The following SMG7 variants were observed in gnomAD, a reference collection of about 807,000 sequenced individuals.
SMG7 encodes the protein SMG7 nonsense mediated mRNA decay factor.
Under a neutral mutation model 148.2 loss-of-function variants are expected in SMG7, and 34 were observed. That is an observed-to-expected ratio of 0.23 (90% CI 0.17 to 0.31). The LOEUF (loss-of-function observed/expected upper bound fraction) is 0.31. Among genes scored for constraint, SMG7 ranks in the 10% least tolerant of loss-of-function variants. SMG7 has a pLI of 1.00. For synonymous variants in SMG7, 492 were observed against 515.1 expected, an observed-to-expected ratio of 0.96 and a Z score of 0.61; for missense variants, 1,114 against 1,408.4, an observed-to-expected ratio of 0.79 and a Z score of 3.35.
chr1:183,520,738 G>A (rs1377271835), intron 4 of SMG7, among the ~76,000 whole-genome samples: 1 of 152,096 alleles, frequency 6.6e-6, no homozygotes, highest in East Asian at 1.9e-4. Context: ...TATTCCCAAG[G>A]GTTTAACTAG....
intron 1 of SMG7, chr1:183,473,888 T>C (rs984830690): frequency 3.0e-6 from 3 of 985,230 alleles, no homozygotes; most frequent in Non-Finnish European, 3.6e-6. Flanking sequence ...CCTATATGTA[T>C]ATTGCAAGAG....
chr1:183,498,759 C>T (rs892387234), intron 1 of SMG7, among the ~76,000 whole-genome samples: 12 of 152,198 alleles, frequency 7.9e-5, no homozygotes, highest in Non-Finnish European at 1.5e-5. Context: ...ATTGACACAT[C>T]ATATTCACCC....
rs76825811 is a variant in SMG7 at position 183,509,951 on chromosome 1, A to T, written c.30-2886A>T. Reference sequence around the variant, plus strand: ...ACCTGACAGCTTATAAGAAAAGCAGATTGTTTGTAAATTACATTACTATTA... The same window carrying T: ...ACCTGACAGCTTATAAGAAAAGCAGTTTGTTTGTAAATTACATTACTATTA... On this transcript the variant is annotated intron_variant, in intron 1 of 22. Coordinates refer to ENST00000688051, the MANE Select transcript of SMG7 (RefSeq NM_001375584.1). Among the ~76,000 whole-genome samples, 718 of 152,284 alleles carry T rather than the reference A, an allele frequency of 4.7e-3. 4 individuals are homozygous for T. Among genetic ancestry groups the T allele is most frequent in the African/African-American group, 0.017 (691 of 41,562 alleles).
chr1:183,520,083 T>C (rs1237973133), intron 4 of SMG7, among the ~76,000 whole-genome samples: 1 of 151,892 alleles, frequency 6.6e-6, no homozygotes, highest in Non-Finnish European at 1.5e-5. Context: ...TATTTAATAA[T>C]GAGGGAAATA....
chr1:183,523,234 G>A (rs570896225), intron 4 of SMG7, among the ~76,000 whole-genome samples: 2 of 152,212 alleles, frequency 1.3e-5, no homozygotes, highest in African/African-American at 4.8e-5. Context: ...TCTTGGCATG[G>A]AATAAAGAGC....
intron 6 of SMG7, 34 bp from the exon 7 acceptor site, chr1:183,528,858 G>A (rs746479961): frequency 3.2e-6 from 5 of 1,575,010 alleles, no homozygotes; most frequent in African/African-American, 1.4e-5. Flanking sequence ...TGTCACTCTT[G>A]GGGTTACTCC....
At chr1:183,496,101 AATC>A (rs1444379319) in intron 1 of SMG7, among the ~76,000 whole-genome samples, 1 of 152,222 alleles carries the variant, frequency 6.6e-6, no homozygotes, top group Non-Finnish European at 1.5e-5. Context: ...GAGTTTCTTT[AATC>A]ATAAAATTGG....
At chr1:183,498,839 A>G (rs1312436832) in intron 1 of SMG7, among the ~76,000 whole-genome samples, 1 of 152,196 alleles carries the variant, frequency 6.6e-6, no homozygotes, top group Non-Finnish European at 1.5e-5. Flanking sequence ...GTGTGTAATG[A>G]CATGTATCCA....
Position 183,550,898 on chromosome 1 carries a change from A to G in SMG7, c.3281A>G (p.Asp1094Gly), listed in dbSNP as rs921509603. 16 of 1,614,136 alleles carry G rather than the reference A, an allele frequency of 9.9e-6. No individual in the cohort carries two copies. Among genetic ancestry groups the G allele is most frequent in the Non-Finnish European group, 1.2e-5 (14 of 1,179,974 alleles). Residue 1094 changes from aspartate to glycine, a missense_variant, in exon 21 of 23, where the codon GAT (aspartate) becomes GGT (glycine). By Grantham distance (94) the Asp-to-Gly change is moderately conservative (BLOSUM62 -1). Coordinates refer to ENST00000688051, the MANE Select transcript of SMG7 (RefSeq NM_001375584.1). ...GATAACAGGGATAGAAGGACTGCAG[A>G]TCGGTGGAAAACTGATAAGCCAGGT... ...TPDNRDRRTA[D>G]RWKTDKPAMG...
At chr1:183,532,466 A>G (rs992222937) in intron 8 of SMG7, among the ~76,000 whole-genome samples, 6 of 152,230 alleles carry the variant, frequency 3.9e-5, no homozygotes, top group Admixed American at 1.3e-4. Context: ...GATTTTTTAT[A>G]GTGCTGGTTA....
At chr1:183,495,044 G>T (rs187283644) in intron 1 of SMG7, among the ~76,000 whole-genome samples, 7 of 152,060 alleles carry the variant, frequency 4.6e-5, no homozygotes, top group Admixed American at 2.0e-4. Flanking sequence ...GGCCAGGCTG[G>T]TCTCCAACTC....
intron 18 of SMG7, 37 bp downstream of exon 18, chr1:183,547,289 C>G (rs1670088908): frequency 6.5e-7 from 1 of 1,531,982 alleles, no homozygotes; most frequent in Non-Finnish European, 8.8e-7. Flanking sequence ...TTGGTCTAAC[C>G]CCCAGCTGCT....
intron 12 of SMG7, 81 bp downstream of exon 12, chr1:183,538,521 G>A (rs1668197913): frequency 1.5e-5 from 14 of 957,766 alleles, no homozygotes; most frequent in Middle Eastern, 2.1e-4. Flanking sequence ...TGGATGTAGA[G>A]GAACCTTTGA....
chr1:183,522,592 A>T (rs143660807), intron 4 of SMG7, among the ~76,000 whole-genome samples: 2 of 152,210 alleles, frequency 1.3e-5, no homozygotes, highest in Non-Finnish European at 2.9e-5. Flanking sequence ...AAGTGACCAT[A>T]TAACTTGTGG....
At chr1:183,517,854 A>C (rs758772471) in intron 4 of SMG7, 34 bp downstream of exon 4, 1 of 1,608,338 alleles carries the variant, frequency 6.2e-7, no homozygotes. Context: ...TTTTCTTACT[A>C]TTAGTGGTAA....
chr1:183,504,935 T>C (rs1660568370), intron 1 of SMG7, among the ~76,000 whole-genome samples: 1 of 152,178 alleles, frequency 6.6e-6, no homozygotes, highest in African/African-American at 2.4e-5. Flanking sequence ...GCCAGTCCTC[T>C]TCCTGTCTTA....
At position 183,545,255 on chromosome 1, in the gene SMG7, T is replaced by C. The variant is rs1669714314; in HGVS notation, c.2313T>C (p.Pro771=). The part of the protein sequence containing the change: ...VQALTQQQQS[P]TKAVPALGKS... Reference sequence around the variant, plus strand: ...CTCTAACTCAGCAACAACAATCCCCTACAAAAGCTGTGCCGGCTTTGGGGA... The same window carrying C: ...CTCTAACTCAGCAACAACAATCCCCCACAAAAGCTGTGCCGGCTTTGGGGA... The change falls in exon 16 of 23, where the codon CCT becomes CCC. Residue 771 remains proline (P), a synonymous_variant. Coordinates refer to ENST00000688051, the MANE Select transcript of SMG7 (RefSeq NM_001375584.1). 1.2e-6 allele frequency: 2 copies of C among 1,613,572 alleles called. No homozygotes were observed. The highest frequency in any genetic ancestry group is 2.7e-5 in the African/African-American group (2 of 74,908).
chr1:183,545,224 T>C lies in SMG7; in HGVS notation c.2282T>C (p.Val761Ala). Reference sequence around the variant, plus strand: ...GCACAGTCTACAAGCCAGCTGCAGGTTCAAGCTCTAACTCAGCAACAACAA... The same window carrying C: ...GCACAGTCTACAAGCCAGCTGCAGGCTCAAGCTCTAACTCAGCAACAACAA... ...PTAQSTSQLQ[V>A]QALTQQQQSP... is the part of the protein sequence containing the mutation. Residue 761 changes from valine to alanine, a missense_variant, in exon 16 of 23, where the codon GTT becomes GCT. Transcript: ENST00000688051. The C allele has an allele frequency of 6.2e-7, 1 of 1,614,076 alleles. No homozygotes were observed. Among genetic ancestry groups the C allele is most frequent in the South Asian group, 1.1e-5 (1 of 91,070 alleles).
chr1:183,517,568 T>C, intron 3 of SMG7, 120 bp from the exon 4 acceptor site: 1 of 929,282 alleles, frequency 1.1e-6, no homozygotes, highest in South Asian at 1.3e-5. Context: ...ATAACTTTAA[T>C]GCAGGTTTAC....
Sources: gnomAD v4.1 joint callset for allele counts (sites outside exome capture counted in the v4.1 genomes callset) on GRCh38, gnomAD v4.1.1 for gene constraint, MANE v1.5 for transcripts, NCBI Gene and HGNC (gene_info 2026-07-23, HGNC 2026-07-21) for gene names.